MYRIP: variants seen among roughly 807,000 people sequenced by gnomAD.
The protein encoded by MYRIP is rab effector MyRIP.
In MYRIP, 49 loss-of-function variants were observed where a neutral mutation model predicts 98.0. The ratio of observed to expected loss-of-function variants is 0.50; its 90% CI spans 0.40 to 0.63. The LOEUF is 0.63. MYRIP is among the 30% of genes least tolerant of loss of function. The pLI is 0.00. For synonymous variants in MYRIP, 404 were observed against 409.5 expected (o/e 0.99, Z 0.16); for missense variants, 1,004 against 1,058.2 (o/e 0.95, Z 0.71).
chr3:39,995,757 A>G (rs916600077), intron 2 of MYRIP, among the ~76,000 whole-genome samples: 2 of 152,232 alleles, frequency 1.3e-5, no homozygotes, highest in Admixed American at 6.5e-5. Flanking sequence ...AGTTGAAATG[A>G]AGGAAAAAAT....
At chr3:39,939,268 C>G (rs1944725715) in intron 2 of MYRIP, among the ~76,000 whole-genome samples, 1 of 152,170 alleles carries the variant, frequency 6.6e-6, no homozygotes, top group Non-Finnish European at 1.5e-5. Flanking sequence ...TGACATGAAA[C>G]AGCTCAAGAA....
At chr3:39,994,582 T>G (rs1191338672) in intron 2 of MYRIP, among the ~76,000 whole-genome samples, 4 of 152,220 alleles carry the variant, frequency 2.6e-5, no homozygotes, top group African/African-American at 4.8e-5. Context: ...CAAGGAGGCC[T>G]GCCTGCCTCT....
chr3:39,914,037 T>C (rs541396418), intron 2 of MYRIP, among the ~76,000 whole-genome samples: 1 of 152,220 alleles, frequency 6.6e-6, no homozygotes, highest in African/African-American at 2.4e-5. Context: ...TCAGATGAGA[T>C]GCTGCATGGT....
intron 3 of MYRIP, among the ~76,000 whole-genome samples, chr3:40,115,171 T>A (rs1949245000): frequency 6.6e-6 from 1 of 152,156 alleles, no homozygotes; most frequent in Non-Finnish European, 1.5e-5. Context: ...TAGTGTGAAA[T>A]TGATCATCCA....
At chr3:40,005,428 T>C (rs772315366) in intron 2 of MYRIP, among the ~76,000 whole-genome samples, 1 of 152,376 alleles carries the variant, frequency 6.6e-6, no homozygotes, top group East Asian at 1.9e-4. Flanking sequence ...CTACAATTAA[T>C]TAGGTCCATT....
rs533857236 is a variant in MYRIP at position 40,184,646 on chromosome 3, G to T, written c.1027+2273G>T. Among the ~76,000 whole-genome samples the T allele has an allele frequency of 1.1e-4, 17 of 149,532 alleles. 1 individual carries two copies. The South Asian group carries it at 3.3e-3, about 29-fold the overall frequency. On this transcript the variant is annotated intron_variant, in intron 9 of 16. Transcript: ENST00000302541. ...AATTCAGACTTGCAAAGTGATAAAT[G>T]TGTAGGATATTATAAAAACAACTAC...
chr3:40,246,034 T>C (rs1953189208), intron 13 of MYRIP, among the ~76,000 whole-genome samples: 1 of 151,328 alleles, frequency 6.6e-6, no homozygotes, highest in South Asian at 2.1e-4. Context: ...ACTGCTGGGA[T>C]TACAGGTGTG....
At chr3:40,176,884 G>A (rs1290601605) in intron 8 of MYRIP, among the ~76,000 whole-genome samples, 1 of 115,962 alleles carries the variant, frequency 8.6e-6, no homozygotes, top group African/African-American at 3.0e-5. Context: ...ACTGCAGCCT[G>A]GGCAACAAGA....
chr3:39,898,576 A>G (rs935966184), intron 1 of MYRIP, among the ~76,000 whole-genome samples: 1 of 152,124 alleles, frequency 6.6e-6, no homozygotes, highest in African/African-American at 2.4e-5. Flanking sequence ...CATTTACATG[A>G]TATTAAGGCA....
intron 3 of MYRIP, among the ~76,000 whole-genome samples, chr3:40,074,550 A>G (rs1390334438): frequency 6.6e-6 from 1 of 152,206 alleles, no homozygotes; most frequent in Non-Finnish European, 1.5e-5. Context: ...CGAAAAGTGA[A>G]CTAAGCCTCT....
At chr3:40,033,884 A>G (rs902129938) in intron 2 of MYRIP, among the ~76,000 whole-genome samples, 45 of 152,286 alleles carry the variant, frequency 3.0e-4, no homozygotes, top group African/African-American at 1.1e-3. Context: ...ACATAGATCA[A>G]TGGAACACAA....
chr3:40,250,604 C>G (rs1953344414), intron 15 of MYRIP, 105 bp downstream of exon 15: 1 of 1,301,578 alleles, frequency 7.7e-7, no homozygotes, highest in Non-Finnish European at 1.1e-6. Flanking sequence ...ATGGAGTGTT[C>G]TCACACAGAA....
intron 4 of MYRIP, among the ~76,000 whole-genome samples, chr3:40,158,557 C>T (rs1950299600): frequency 6.6e-6 from 1 of 152,076 alleles, no homozygotes; most frequent in African/African-American, 2.4e-5. Context: ...TCCTTGTTGA[C>T]TTCCTGTCTC....
chr3:39,995,336 C>T (rs1370635827), intron 2 of MYRIP, among the ~76,000 whole-genome samples: 2 of 152,006 alleles, frequency 1.3e-5, no homozygotes, highest in Non-Finnish European at 2.9e-5. Flanking sequence ...GCAGAGAAGT[C>T]CTTAAAGGAC....
intron 3 of MYRIP, among the ~76,000 whole-genome samples, chr3:40,080,579 T>C (rs1413294974): frequency 6.6e-6 from 1 of 152,068 alleles, no homozygotes; most frequent in Non-Finnish European, 1.5e-5. Flanking sequence ...TTTGTTTATC[T>C]AACTTTCCAA....
At chr3:40,136,955 A>G (rs1405439974) in intron 3 of MYRIP, among the ~76,000 whole-genome samples, 1 of 152,238 alleles carries the variant, frequency 6.6e-6, no homozygotes, top group Non-Finnish European at 1.5e-5. Context: ...TGGACACCCT[A>G]ACATCACAAT....
chr3:40,019,724 GC>G, intron 2 of MYRIP, among the ~76,000 whole-genome samples: 1 of 147,668 alleles, frequency 6.8e-6, no homozygotes, highest in Middle Eastern at 3.5e-3. Flanking sequence ...TCCCCCCCCC[GC>G]TTTTTTTTGT....
At position 39,991,935 on chromosome 3, in the gene MYRIP, G is replaced by A. The variant is rs140461498; in HGVS notation, c.111-52115G>A. ...AGAATAGTGCATAGTGCACACTAAG[G>A]GCTCTATAAGTATATATTAGATTAA... is the stretch of plus-strand genomic sequence containing the variant. On this transcript the variant is annotated intron_variant, in intron 2 of 16. Transcript: ENST00000302541. Among the ~76,000 whole-genome samples the A allele has an allele frequency of 8.1e-3, 1,231 of 152,158 alleles. 17 individuals are homozygous for A. The highest frequency in any genetic ancestry group is 0.028 in the African/African-American group (1,156 of 41,492).
intron 1 of MYRIP, among the ~76,000 whole-genome samples, chr3:39,814,129 A>G (rs1940793076): frequency 6.6e-6 from 1 of 152,222 alleles, no homozygotes; most frequent in Admixed American, 6.5e-5. Context: ...ATATATCCTC[A>G]GAAGGGGAAC....
Sources: allele counts gnomAD v4.1 joint callset (sites outside exome capture counted in the v4.1 genomes callset), GRCh38; gene constraint gnomAD v4.1.1; transcripts MANE v1.5; gene names NCBI Gene and HGNC (gene_info 2026-07-23, HGNC 2026-07-21).